The following NELL1 variants were observed in gnomAD, a reference collection of about 807,000 sequenced individuals.
The protein encoded by NELL1 is protein kinase C-binding protein NELL1.
In NELL1, 76 loss-of-function variants were observed where a neutral mutation model predicts 107.4. That is an observed-to-expected ratio of 0.71 (90% CI 0.59 to 0.86). The LOEUF (loss-of-function observed/expected upper bound fraction) is 0.86. Ranked by LOEUF, NELL1 falls within the 40% of genes least tolerant of loss-of-function variation. The pLI is 0.00. For missense variants in NELL1, 1,024 were observed against 1,005.5 expected, an observed-to-expected ratio of 1.02 and a Z score of -0.25; for synonymous variants, 353 against 341.2, an observed-to-expected ratio of 1.03 and a Z score of -0.38.
At chr11:21,156,891 G>T (rs1054517982) in intron 13 of NELL1, among the ~76,000 whole-genome samples, 1 of 150,622 alleles carries the variant, frequency 6.6e-6, no homozygotes, top group Non-Finnish European at 1.5e-5. Context: ...CAAGGAGTTT[G>T]AGACTAGCCT....
intron 15 of NELL1, among the ~76,000 whole-genome samples, chr11:21,374,141 T>C (rs1212211364): frequency 6.6e-6 from 1 of 152,128 alleles, no homozygotes; most frequent in Non-Finnish European, 1.5e-5. Flanking sequence ...CTAAGAAGTA[T>C]GTAAGACTAA....
intron 2 of NELL1, among the ~76,000 whole-genome samples, chr11:20,704,504 A>G (rs1365368085): frequency 6.6e-6 from 1 of 152,138 alleles, no homozygotes; most frequent in Non-Finnish European, 1.5e-5. Flanking sequence ...GCCCATTTAG[A>G]TTTAAGGTCA....
At chr11:20,948,247 C>G (rs939566776) in intron 11 of NELL1, among the ~76,000 whole-genome samples, 1 of 151,798 alleles carries the variant, frequency 6.6e-6, no homozygotes, top group Non-Finnish European at 1.5e-5. Context: ...GAGACTGGGT[C>G]TTGCTATGTT....
intron 15 of NELL1, among the ~76,000 whole-genome samples, chr11:21,425,540 G>T (rs1852799065): frequency 6.6e-6 from 1 of 152,128 alleles, no homozygotes; most frequent in East Asian, 1.9e-4. Flanking sequence ...GAACACAGAA[G>T]CAAAGGTCTG....
chr11:21,152,067 C>G (rs931480968), intron 13 of NELL1, among the ~76,000 whole-genome samples: 7 of 152,174 alleles, frequency 4.6e-5, no homozygotes, highest in African/African-American at 1.7e-4. Context: ...CCTGGAATAT[C>G]AGAGTGTTTA....
chr11:20,737,346 A>G (rs1291273022), intron 2 of NELL1, among the ~76,000 whole-genome samples: 1 of 152,148 alleles, frequency 6.6e-6, no homozygotes, highest in East Asian at 1.9e-4. Flanking sequence ...GAGTTAGAGC[A>G]AAAAAGGGCC....
At chr11:20,910,480 C>G (rs1850104075) in intron 5 of NELL1, among the ~76,000 whole-genome samples, 1 of 152,160 alleles carries the variant, frequency 6.6e-6, no homozygotes, top group South Asian at 2.1e-4. Context: ...CATTTCCGGC[C>G]CCGCACTCAC....
chr11:20,796,034 C>T (rs1857162976), intron 3 of NELL1, among the ~76,000 whole-genome samples: 1 of 152,062 alleles, frequency 6.6e-6, no homozygotes, highest in South Asian at 2.1e-4. Flanking sequence ...AAGAGCAGTT[C>T]CTCATACATC....
At chr11:21,012,117 C>T (rs1043147076) in intron 12 of NELL1, among the ~76,000 whole-genome samples, 15 of 152,086 alleles carry the variant, frequency 9.9e-5, no homozygotes, top group African/African-American at 3.6e-4. Flanking sequence ...CATAGGCCAC[C>T]CCCAAGTTGA....
intron 1 of NELL1, among the ~76,000 whole-genome samples, chr11:20,673,382 T>C (rs1369292179): frequency 1.3e-5 from 2 of 150,702 alleles, no homozygotes; most frequent in Admixed American, 1.3e-4. Flanking sequence ...TGAAATTCTG[T>C]GGTTAAATGA....
At chr11:21,183,221 C>T (rs1473803282) in intron 13 of NELL1, among the ~76,000 whole-genome samples, 1 of 151,904 alleles carries the variant, frequency 6.6e-6, no homozygotes, top group African/African-American at 2.4e-5. Flanking sequence ...TGAACATGAT[C>T]TGTCTCTCCC....
At chr11:20,919,640 C>T (rs567643423) in intron 7 of NELL1, among the ~76,000 whole-genome samples, 64 of 152,144 alleles carry the variant, frequency 4.2e-4, no homozygotes, top group South Asian at 6.2e-4. Context: ...AGTAGTAACA[C>T]TGTAAGATGA....
intron 12 of NELL1, among the ~76,000 whole-genome samples, chr11:21,038,156 G>T (rs1188199107): frequency 3.3e-5 from 5 of 152,118 alleles, no homozygotes; most frequent in Admixed American, 6.6e-5. Context: ...TCTCCCAGCT[G>T]CATCAGGGCA....
At chr11:20,683,516 TGTGCTCTTGCC>T (rs1362128534) in intron 2 of NELL1, among the ~76,000 whole-genome samples, 1 of 152,082 alleles carries the variant, frequency 6.6e-6, no homozygotes, top group Non-Finnish European at 1.5e-5. Context: ...CATCTGTGTC[TGTGCTCTTGCC>T]GTTTCTGTTT....
intron 13 of NELL1, among the ~76,000 whole-genome samples, chr11:21,207,108 G>A (rs1233787537): frequency 4.6e-5 from 7 of 152,194 alleles, no homozygotes; most frequent in South Asian, 2.1e-4. Flanking sequence ...TTGGACCACA[G>A]TTAAGCTCTT....
intron 14 of NELL1, among the ~76,000 whole-genome samples, chr11:21,335,076 A>G (rs569866619): frequency 2.0e-5 from 3 of 152,162 alleles, no homozygotes; most frequent in Non-Finnish European, 4.4e-5. Flanking sequence ...AAATTCAATT[A>G]AGGAAAAAAA....
At position 20,969,271 on chromosome 11, in the gene NELL1, C is replaced by G. The variant is rs369011884; in HGVS notation, c.1300+8711C>G. Among the ~76,000 whole-genome samples the G allele has an allele frequency of 2.6e-5, 4 of 152,194 alleles. No homozygotes were observed. In the East Asian group the frequency reaches 7.7e-4, roughly 29 times the overall value. ...ATATTCCTTATGTCTCAAGGTGACC[C>G]ATCTCCTTTCTCTCCAAGCAAAATT... On this transcript the variant is annotated intron_variant, in intron 12 of 19. Coordinates refer to ENST00000357134, the MANE Select transcript of NELL1 (RefSeq NM_006157.5).
chr11:21,392,232 A>G (rs1851895263), intron 15 of NELL1, among the ~76,000 whole-genome samples: 1 of 151,798 alleles, frequency 6.6e-6, no homozygotes, highest in South Asian at 2.1e-4. Context: ...GGGTAAGGAA[A>G]CAGCTCTGAG....
intron 9 of NELL1, among the ~76,000 whole-genome samples, chr11:20,935,971 G>A (rs566018901): frequency 6.6e-6 from 1 of 152,260 alleles, no homozygotes; most frequent in African/African-American, 2.4e-5. Flanking sequence ...ACATATTTGG[G>A]TGGGGAGTGA....
Sources: allele counts gnomAD v4.1 joint callset (sites outside exome capture counted in the v4.1 genomes callset), GRCh38; gene constraint gnomAD v4.1.1; transcripts MANE v1.5; gene names NCBI Gene and HGNC (gene_info 2026-07-23, HGNC 2026-07-21).